The following TSEN15 variants were observed in gnomAD, a reference collection of about 807,000 sequenced individuals.
TSEN15 encodes tRNA splicing endonuclease subunit 15, also known as tRNA-splicing endonuclease subunit Sen15.
A neutral mutation model predicts 20.5 loss-of-function variants in TSEN15; 10 were observed. The ratio of observed to expected loss-of-function variants is 0.49; its 90% CI spans 0.30 to 0.83. TSEN15 has a LOEUF of 0.83. TSEN15 is among the 40% of genes least tolerant of loss of function. TSEN15 has a pLI of 0.06. For synonymous variants in TSEN15, 72 were observed against 80.1 expected, an observed-to-expected ratio of 0.90 and a Z score of 0.54; for missense variants, 180 against 218.6, an observed-to-expected ratio of 0.82 and a Z score of 1.11.
rs185801055 is a variant in TSEN15, at chr1:184,059,644, C to T, written c.353+4781C>T. On this transcript the variant is annotated intron_variant, in intron 3 of 4. Transcript: ENST00000645668. ...GGAGTGCAGTGGCACAATCTCGGCA[C>T]ACTGCAGTCTCCGCCTCCCGGGTTC... 8.9e-4 allele frequency among the ~76,000 whole-genome samples: 136 copies of T among 152,252 alleles called. 1 individual carries two copies. Among genetic ancestry groups the T allele is most frequent in the African/African-American group, 3.2e-3 (132 of 41,536 alleles).
At chr1:184,057,762 T>C (rs1490096379) in intron 3 of TSEN15, among the ~76,000 whole-genome samples, 2 of 152,214 alleles carry the variant, frequency 1.3e-5, no homozygotes, top group African/African-American at 4.8e-5. Flanking sequence ...TGAGAATTGT[T>C]TTTTAATATG....
Position 184,051,782 on chromosome 1 carries a change from G to A in TSEN15, c.27G>A (p.Pro9=), listed in dbSNP as rs199936857. The A allele has an allele frequency of 7.3e-6, 11 of 1,514,878 alleles. No homozygotes were observed. In the African/African-American group the frequency reaches 1.4e-4, roughly 20 times the overall value. The allele number at this position is 1,514,878 out of a possible 1,614,324, so 93.8% of individuals were successfully genotyped here. A position where few individuals can be genotyped will look rare whatever the true frequency, so the allele number is the denominator to read the frequency against. MEERGDSE[P]TPGCSGLGPG... ...TGGAGGAGCGCGGCGATTCCGAGCC[G>A]ACCCCCGGCTGCAGCGGCCTGGGTC... Residue 9 remains proline (P), a synonymous_variant, in exon 1 of 5, where the codon CCG becomes CCA. Coordinates refer to ENST00000645668, the MANE Select transcript of TSEN15 (RefSeq NM_052965.4).
At chr1:184,090,692 C>T (rs1213942714) in intron 3 of TSEN15, among the ~76,000 whole-genome samples, 1 of 152,138 alleles carries the variant, frequency 6.6e-6, no homozygotes, top group Admixed American at 6.5e-5. Context: ...CAAGCATTTT[C>T]ATCTATTTGG....
rs140053475 is a variant in TSEN15, at chr1:184,061,927, G to A, written c.353+7064G>A. ...ATTACTTTGAGCACAAGTACGTTTT[G>A]TGTTTAGCATTTTCTGTAAAGCAGT... On this transcript the variant is annotated intron_variant, in intron 3 of 4. Transcript: ENST00000645668. Among the ~76,000 whole-genome samples the A allele has an allele frequency of 3.1e-3, 468 of 152,216 alleles. 1 individual carries two copies. The highest frequency in any genetic ancestry group is 7.3e-3 in the African/African-American group (304 of 41,566).
At chr1:184,078,411 C>T (rs573192152), downstream of TSEN15, among the ~76,000 whole-genome samples, 47 of 152,298 alleles carry the variant, frequency 3.1e-4, no homozygotes, top group African/African-American at 1.1e-3. Flanking sequence ...TGGTCTGGAA[C>T]TGACCCTTCA....
intron 1 of TSEN15, 141 bp from the exon 2 acceptor site, chr1:184,054,208 GAGATA>G: frequency 1.9e-6 from 1 of 521,524 alleles, no homozygotes. Flanking sequence ...TTTAGAGACA[GAGATA>G]AGATCTTATA....
chr1:184,065,201 C>CAT (rs1650608409), intron 3 of TSEN15, among the ~76,000 whole-genome samples: 1 of 152,026 alleles, frequency 6.6e-6, no homozygotes, highest in Non-Finnish European at 1.5e-5. Flanking sequence ...CACACACACA[C>CAT]ACACTTTATT....
Position 184,072,970 on chromosome 1 carries a change from C to A in TSEN15, c.*123C>A. 1.1e-6 allele frequency: 1 copy of A among 926,454 alleles called. No homozygotes were observed. Among genetic ancestry groups the A allele is most frequent in the South Asian group, 1.6e-5 (1 of 62,082 alleles). 57.4% of individuals were successfully genotyped at this position (926,454 alleles called of 1,614,324 possible). On this transcript the variant is annotated 3_prime_UTR_variant, in exon 5 of 5. Coordinates refer to ENST00000645668, the MANE Select transcript of TSEN15 (RefSeq NM_052965.4). ...ATAGTGAGGGTTGACTTCCCCATTC[C>A]ATAAGGTTTTCATTCTGAAGAGTAA...
chr1:184,066,899 A>G (rs896394580), intron 3 of TSEN15, among the ~76,000 whole-genome samples: 3 of 152,230 alleles, frequency 2.0e-5, no homozygotes, highest in Non-Finnish European at 2.9e-5. Flanking sequence ...ATCCAGGAAC[A>G]TGGACTATCT....
At chr1:184,069,235 C>G (rs533550475) in intron 3 of TSEN15, among the ~76,000 whole-genome samples, 1 of 152,006 alleles carries the variant, frequency 6.6e-6, no homozygotes, top group Non-Finnish European at 1.5e-5. Flanking sequence ...AATTTTGTTG[C>G]TGTTATTAAA....
intron 1 of TSEN15, among the ~76,000 whole-genome samples, chr1:184,052,567 CA>C (rs1231106137): frequency 5.9e-5 from 9 of 152,006 alleles, no homozygotes; most frequent in Non-Finnish European, 1.2e-4. Context: ...GTAAGAATCT[CA>C]AAAACTAGTC....
chr1:184,063,444 T>G (rs1438275149), intron 3 of TSEN15, among the ~76,000 whole-genome samples: 2 of 152,212 alleles, frequency 1.3e-5, no homozygotes, highest in Non-Finnish European at 2.9e-5. Context: ...AAAATAATTC[T>G]GTGCACATTA....
intron 3 of TSEN15, among the ~76,000 whole-genome samples, chr1:184,079,923 G>C (rs1281274232): frequency 6.6e-6 from 1 of 152,156 alleles, no homozygotes; most frequent in African/African-American, 2.4e-5. Flanking sequence ...CTAAACACCT[G>C]TTGTTAGTGT....
At position 184,073,334 on chromosome 1, in the gene TSEN15, A is replaced by C. The variant is rs1650963109; in HGVS notation, c.*487A>C. 6.5e-6 allele frequency: 1 copy of C among 152,834 alleles called. No homozygotes were observed. Among genetic ancestry groups the C allele is most frequent in the Non-Finnish European group, 1.5e-5 (1 of 68,522 alleles). The allele number at this position is 152,834 out of a possible 1,614,324, so 9.5% of individuals were successfully genotyped here. On this transcript the variant is annotated 3_prime_UTR_variant, in exon 5 of 5. Transcript: ENST00000645668. ...TTTTTCCTCTCCAGTAAAAAGTAAAAGATTTCTTTCAATTGGTCTTCCCAT... is the reference window on the plus strand; with the variant it reads ...TTTTTCCTCTCCAGTAAAAAGTAAACGATTTCTTTCAATTGGTCTTCCCAT...
chr1:184,094,831 G>A (rs981091468), intron 3 of TSEN15: 3 of 390,772 alleles, frequency 7.7e-6, no homozygotes, highest in Non-Finnish European at 1.4e-5. Flanking sequence ...GGACAGTAGG[G>A]TAGGGGATGA....
rs187394895 is a variant in TSEN15, at chr1:184,053,081, G to A, written c.135+1191G>A. On this transcript the variant is annotated intron_variant, in intron 1 of 4. Transcript: ENST00000645668. ...CGAAACACCAGTAACAACTTTTTAA[G>A]ACTTTATCTAGATTTGGTGGTGTTA... 3.1e-3 allele frequency among the ~76,000 whole-genome samples: 469 copies of A among 152,296 alleles called. 2 individuals are homozygous for A. The highest frequency in any genetic ancestry group is 7.4e-3 in the African/African-American group (306 of 41,560).
intron 3 of TSEN15, chr1:184,093,484 C>G (rs1297391076): frequency 6.6e-6 from 1 of 152,090 alleles, no homozygotes; most frequent in Non-Finnish European, 1.5e-5. Context: ...TCTCTTAGGG[C>G]TCTTGTGAGG....
chr1:184,052,748 G>T (rs932326484), intron 1 of TSEN15, among the ~76,000 whole-genome samples: 5 of 152,056 alleles, frequency 3.3e-5, no homozygotes, highest in Non-Finnish European at 7.4e-5. Flanking sequence ...CTCCCAAAAG[G>T]TGAGAAAAAG....
chr1:184,075,330 C>T (rs1308669745), downstream of TSEN15, among the ~76,000 whole-genome samples: 1 of 152,030 alleles, frequency 6.6e-6, no homozygotes, highest in Admixed American at 6.6e-5. Flanking sequence ...GGGAGGCCAC[C>T]CAGCTGTGTA....
Sources: allele counts gnomAD v4.1 joint callset (sites outside exome capture counted in the v4.1 genomes callset), GRCh38; gene constraint gnomAD v4.1.1; transcripts MANE v1.5; gene names NCBI Gene and HGNC (gene_info 2026-07-23, HGNC 2026-07-21).